The following PLCE1 variants were observed in gnomAD, a reference collection of about 807,000 sequenced individuals.
PLCE1 encodes the protein 1-phosphatidylinositol 4,5-bisphosphate phosphodiesterase epsilon-1.
PLCE1 carries 119 observed loss-of-function variants against 242.8 expected under a neutral mutation model. The observed-to-expected ratio is 0.49, with a 90% CI of 0.42 to 0.57. PLCE1 has a LOEUF of 0.57. Ranked by LOEUF, PLCE1 falls within the 20% of genes least tolerant of loss-of-function variation. PLCE1 has a pLI of 0.00. For synonymous variants in PLCE1, 945 were observed against 1,017.4 expected, an observed-to-expected ratio of 0.93 and a Z score of 1.35; for missense variants, 2,441 against 2,788.8, an observed-to-expected ratio of 0.88 and a Z score of 2.81.
chr10:94,136,654 G>A (rs144340603), intron 3 of PLCE1, among the ~76,000 whole-genome samples: 31 of 152,286 alleles, frequency 2.0e-4, no homozygotes, highest in Non-Finnish European at 4.0e-4. Flanking sequence ...CTGCAGCCTT[G>A]GGGCTTTATG....
At chr10:94,288,272 T>C (rs1221765978) in intron 22 of PLCE1, among the ~76,000 whole-genome samples, 2 of 152,192 alleles carry the variant, frequency 1.3e-5, no homozygotes, top group Non-Finnish European at 1.5e-5. Context: ...TACGCTGCTC[T>C]GTATGCCTTG....
chr10:94,074,899 T>C (rs1344164461), intron 2 of PLCE1, among the ~76,000 whole-genome samples: 1 of 152,226 alleles, frequency 6.6e-6, no homozygotes, highest in East Asian at 1.9e-4. Context: ...GAGACAGCCA[T>C]ATCAATCAAT....
chr10:94,141,522 AGGCT>A lies in PLCE1; in HGVS notation c.1492+9064_1492+9067del, dbSNP rs1433141980. Among the ~76,000 whole-genome samples, 25 of 48,450 alleles carry A rather than the reference AGGCT, an allele frequency of 5.2e-4. No homozygotes were observed. The East Asian group carries it at 0.016, about 30-fold the overall frequency. 31.8% of individuals were successfully genotyped at this position (48,450 alleles called of 152,430 possible). On this transcript the variant is annotated intron_variant, in intron 3 of 32. Coordinates refer to ENST00000371380, the MANE Select transcript of PLCE1 (RefSeq NM_016341.4). ...GGAAGGCGAAGGGAAGGTGAAGGGA[AGGCT>A]AAGGGAAGGTGAAGGGAAGGCTAAG...
At chr10:94,063,201 T>C (rs549551449) in intron 2 of PLCE1, among the ~76,000 whole-genome samples, 46 of 152,318 alleles carry the variant, frequency 3.0e-4, no homozygotes, top group African/African-American at 1.0e-3. Context: ...TTTTCCTTTA[T>C]GGTGGTTTTG....
chr10:94,106,945 C>CTCTCT (rs1267521094), intron 2 of PLCE1: 27 of 14,216 alleles, frequency 1.9e-3, no homozygotes, highest in Non-Finnish European at 3.6e-3. Context: ...TCTCTCTCTC[C>CTCTCT]CCCTCCCCTC....
At chr10:94,213,746 A>G (rs1263727645) in intron 4 of PLCE1, among the ~76,000 whole-genome samples, 1 of 152,184 alleles carries the variant, frequency 6.6e-6, no homozygotes, top group Non-Finnish European at 1.5e-5. Context: ...CCTGTAATAA[A>G]AAGGCCAACA....
At chr10:94,311,966 G>A (rs1263283288) in intron 27 of PLCE1, among the ~76,000 whole-genome samples, 1 of 152,160 alleles carries the variant, frequency 6.6e-6, no homozygotes, top group African/African-American at 2.4e-5. Flanking sequence ...TTAGAGGGGA[G>A]CTCATGGGTC....
intron 5 of PLCE1, among the ~76,000 whole-genome samples, chr10:94,230,370 G>C (rs530984216): frequency 6.6e-6 from 1 of 152,064 alleles, no homozygotes; most frequent in South Asian, 2.1e-4. Flanking sequence ...TGTCGCCCAG[G>C]CTGGAGTGCA....
chr10:94,253,845 T>C (rs971428015), intron 9 of PLCE1, among the ~76,000 whole-genome samples: 1 of 152,078 alleles, frequency 6.6e-6, no homozygotes, highest in Non-Finnish European at 1.5e-5. Context: ...CCAAACCATA[T>C]CATCTATCTA....
chr10:94,076,556 A>G (rs1167904624), intron 2 of PLCE1, among the ~76,000 whole-genome samples: 1 of 152,148 alleles, frequency 6.6e-6, no homozygotes, highest in African/African-American at 2.4e-5. Context: ...ATAGAACTGA[A>G]TCTTTCAGCA....
At chr10:94,167,258 A>G (rs1420129910) in intron 3 of PLCE1, among the ~76,000 whole-genome samples, 1 of 152,146 alleles carries the variant, frequency 6.6e-6, no homozygotes, top group African/African-American at 2.4e-5. Flanking sequence ...CCTGGATGAC[A>G]TAGCAAGACT....
intron 22 of PLCE1, among the ~76,000 whole-genome samples, chr10:94,292,951 C>G (rs2052691168): frequency 6.6e-6 from 1 of 152,172 alleles, no homozygotes; most frequent in Non-Finnish European, 1.5e-5. Context: ...GTTGTTAGAC[C>G]AGGAGTGAGA....
At chr10:94,051,616 A>G (rs2043769035) in intron 2 of PLCE1, among the ~76,000 whole-genome samples, 1 of 152,204 alleles carries the variant, frequency 6.6e-6, no homozygotes, top group Non-Finnish European at 1.5e-5. Context: ...GCATTGTAAA[A>G]TTACTGCTAA....
At chr10:94,137,959 C>T (rs2046837265) in intron 3 of PLCE1, 2 of 394,184 alleles carry the variant, frequency 5.1e-6, no homozygotes, top group Non-Finnish European at 1.0e-5. Context: ...ACATTAAATC[C>T]TTGCACTCCA....
intron 22 of PLCE1, among the ~76,000 whole-genome samples, chr10:94,290,998 T>C (rs1366822828): frequency 6.6e-6 from 1 of 152,180 alleles, no homozygotes; most frequent in Non-Finnish European, 1.5e-5. Context: ...ACCACCATCA[T>C]ATACGTGGTC....
Position 94,222,498 on chromosome 10 carries a change from G to A in PLCE1, c.1810-4808G>A, listed in dbSNP as rs545483659. Among the ~76,000 whole-genome samples, 7 of 152,340 alleles carry A rather than the reference G, an allele frequency of 4.6e-5. No individual in the cohort carries two copies. The East Asian group carries it at 9.6e-4, about 21-fold the overall frequency. On this transcript the variant is annotated intron_variant, in intron 4 of 32. Coordinates refer to ENST00000371380, the MANE Select transcript of PLCE1 (RefSeq NM_016341.4). ...ATGAGGATCACAGCACTAAATGTGC[G>A]CTAGGGTCAGGGTGATGTGGGGGCA...
chr10:94,170,898 T>C (rs572680723), intron 3 of PLCE1, among the ~76,000 whole-genome samples: 3 of 152,290 alleles, frequency 2.0e-5, no homozygotes, highest in African/African-American at 7.2e-5. Flanking sequence ...CATAGTAAAC[T>C]GGTTGGGGAA....
chr10:94,243,649 G>T (rs1165737577), intron 7 of PLCE1, among the ~76,000 whole-genome samples: 7 of 152,172 alleles, frequency 4.6e-5, no homozygotes, highest in Admixed American at 4.6e-4. Flanking sequence ...AGGTGACTGA[G>T]CATAACTAGC....
At chr10:94,221,627 T>C (rs369311118) in intron 4 of PLCE1, among the ~76,000 whole-genome samples, 1 of 152,072 alleles carries the variant, frequency 6.6e-6, no homozygotes, top group South Asian at 2.1e-4. Context: ...TCCAGCTACT[T>C]GGGAGGCTGA....
Sources: gnomAD v4.1 joint callset for allele counts (sites outside exome capture counted in the v4.1 genomes callset) on GRCh38, gnomAD v4.1.1 for gene constraint, MANE v1.5 for transcripts, NCBI Gene and HGNC (gene_info 2026-07-23, HGNC 2026-07-21) for gene names.